The following MPPED1 variants were observed in gnomAD, a reference collection of about 807,000 sequenced individuals.
MPPED1 encodes metallophosphoesterase domain containing 1.
Under a neutral mutation model 36.2 loss-of-function variants are expected in MPPED1, and 16 were observed. The ratio of observed to expected loss-of-function variants is 0.44; its 90% confidence interval spans 0.30 to 0.67. MPPED1 has a LOEUF of 0.67. Ranked by LOEUF, MPPED1 falls within the 30% of genes least tolerant of loss-of-function variation. The probability of loss-of-function intolerance (pLI) is 0.10; values close to 1 mark genes in which losing one functional copy is unlikely to be tolerated. For synonymous variants in MPPED1, 199 were observed against 191.3 expected, an observed-to-expected ratio of 1.04 and a Z score of -0.33; for missense variants, 307 against 453.4, an observed-to-expected ratio of 0.68 and a Z score of 2.93.
intron 4 of MPPED1, among the ~76,000 whole-genome samples, chr22:43,492,679 G>T (rs1484826520): frequency 2.0e-5 from 3 of 152,194 alleles, no homozygotes; most frequent in African/African-American, 4.8e-5. Context: ...CCCCACCTGT[G>T]CAAGGGGCTC....
intron 3 of MPPED1, among the ~76,000 whole-genome samples, chr22:43,450,276 C>A (rs1167614273): frequency 6.6e-6 from 1 of 152,174 alleles, no homozygotes; most frequent in African/African-American, 2.4e-5. Context: ...ATGGGCAGGC[C>A]CCCTCCCGGT....
chr22:43,470,162 C>A (rs1337603366), intron 3 of MPPED1, among the ~76,000 whole-genome samples: 1 of 151,906 alleles, frequency 6.6e-6, no homozygotes, highest in Non-Finnish European at 1.5e-5. Context: ...ATCTATATAT[C>A]CATACATATA....
chr22:43,476,348 TG>T (rs1025732755), intron 4 of MPPED1, among the ~76,000 whole-genome samples: 3 of 151,828 alleles, frequency 2.0e-5, no homozygotes, highest in South Asian at 2.1e-4. Flanking sequence ...CTGGAGGAGG[TG>T]GGGTAACCTG....
chr22:43,457,969 A>C (rs930437137), intron 3 of MPPED1, among the ~76,000 whole-genome samples: 1 of 152,340 alleles, frequency 6.6e-6, no homozygotes, highest in East Asian at 1.9e-4. Context: ...CTGTAATTTT[A>C]CTTACTTTTC....
chr22:43,492,237 G>A (rs1240636358), intron 4 of MPPED1, among the ~76,000 whole-genome samples: 3 of 152,108 alleles, frequency 2.0e-5, no homozygotes, highest in Admixed American at 6.5e-5. Flanking sequence ...GGGCATAGAA[G>A]TTAAGTTCTT....
chr22:43,419,994 C>T (rs1929208008), intron 1 of MPPED1, among the ~76,000 whole-genome samples: 1 of 152,112 alleles, frequency 6.6e-6, no homozygotes, highest in African/African-American at 2.4e-5. Context: ...AAAGCAAGCC[C>T]TTAGAACCAG....
intron 6 of MPPED1, among the ~76,000 whole-genome samples, chr22:43,504,793 TTGATGGTGGTGATGGGGA>T: frequency 6.7e-6 from 1 of 148,584 alleles, no homozygotes; most frequent in Non-Finnish European, 1.5e-5. Flanking sequence ...TATGATGATG[TTGATGGTGGTGATGGGGA>T]TGATGGTGGT....
chr22:43,421,155 G>T (rs867103722), intron 1 of MPPED1, among the ~76,000 whole-genome samples: 3 of 152,236 alleles, frequency 2.0e-5, no homozygotes, highest in Non-Finnish European at 4.4e-5. Context: ...GGGTGTAAAC[G>T]CTTCCTAGCT....
intron 5 of MPPED1, among the ~76,000 whole-genome samples, chr22:43,500,010 A>ATGG (rs1471856305): frequency 4.3e-4 from 1 of 2,320 alleles, no homozygotes; most frequent in Admixed American, 6.4e-3. Context: ...GGCGGTGGTG[A>ATGG]TGGTGGAGGT....
intron 3 of MPPED1, among the ~76,000 whole-genome samples, chr22:43,450,879 A>G (rs1479242611): frequency 6.6e-6 from 1 of 152,064 alleles, no homozygotes; most frequent in Non-Finnish European, 1.5e-5. Flanking sequence ...AGCATGTGCC[A>G]CCACGCCTAG....
At chr22:43,451,626 C>A (rs1930570789) in intron 3 of MPPED1, among the ~76,000 whole-genome samples, 1 of 152,242 alleles carries the variant, frequency 6.6e-6, no homozygotes, top group Non-Finnish European at 1.5e-5. Flanking sequence ...ACATCCCAAC[C>A]TCTCAAAATA....
Position 43,424,888 on chromosome 22 carries a change from G to C in MPPED1, c.-78-20G>C. On this transcript the variant is annotated intron_variant, in intron 1 of 6. Coordinates refer to ENST00000443721, the MANE Select transcript of MPPED1 (RefSeq NM_001044370.2). ...TCCCAAACAGATTAACTGTCGCACG[G>C]TTCTGCTCCGTCTCCTCAGTCTGTT... 3 of 1,519,272 alleles carry C rather than the reference G, an allele frequency of 2.0e-6. No individual in the cohort carries two copies. Among genetic ancestry groups the C allele is most frequent in the Non-Finnish European group, 2.6e-6 (3 of 1,135,668 alleles). 94.1% of individuals were successfully genotyped at this position (1,519,272 alleles called of 1,614,324 possible).
At position 43,505,568 on chromosome 22, in the gene MPPED1, C is replaced by T. The variant is rs768446587; in HGVS notation, c.933C>T (p.Pro311=). 2.3e-5 allele frequency: 37 copies of T among 1,612,758 alleles called. No homozygotes were observed. Among genetic ancestry groups the T allele is most frequent in the Middle Eastern group, 1.6e-4 (1 of 6,082 alleles). ...NASVCTVNYQ[P]VNPPIVIDLP... is the part of the protein sequence containing the mutation. ...CCGTATGCACTGTGAACTACCAGCCCGTGAACCCGCCCATAGTCATCGACC... is the reference window on the plus strand; with the variant it reads ...CCGTATGCACTGTGAACTACCAGCCTGTGAACCCGCCCATAGTCATCGACC... Residue 311 remains proline, a synonymous_variant, in exon 7 of 7, where the codon CCC becomes CCT. Transcript: ENST00000443721.
chr22:43,467,741 T>C (rs926446231), intron 3 of MPPED1, among the ~76,000 whole-genome samples: 3 of 152,118 alleles, frequency 2.0e-5, no homozygotes, highest in African/African-American at 7.2e-5. Context: ...TTCTGCGAGA[T>C]GGGAATGGGC....
At chr22:43,448,522 G>A (rs1016980038) in intron 3 of MPPED1, among the ~76,000 whole-genome samples, 3 of 152,102 alleles carry the variant, frequency 2.0e-5, no homozygotes, top group East Asian at 1.9e-4. Context: ...AAGGTCATAC[G>A]GCAAAGAAAA....
intron 2 of MPPED1, 70 bp downstream of exon 2, chr22:43,425,279 G>A: frequency 6.8e-7 from 1 of 1,471,704 alleles, no homozygotes; most frequent in Non-Finnish European, 9.0e-7. Flanking sequence ...GGTCTCGGGT[G>A]CCTCCTGGTT....
intron 3 of MPPED1, among the ~76,000 whole-genome samples, chr22:43,448,897 AT>A (rs931114497): frequency 6.6e-6 from 1 of 151,962 alleles, no homozygotes; most frequent in Non-Finnish European, 1.5e-5. Flanking sequence ...CCAGCCCTAC[AT>A]TTTTTATTTG....
rs191723996 is a variant in MPPED1 at position 43,449,183 on chromosome 22, G to C, written c.406+13968G>C. 1.1e-4 allele frequency among the ~76,000 whole-genome samples: 16 copies of C among 152,232 alleles called. No individual in the cohort carries two copies. The East Asian group carries it at 2.7e-3, about 26-fold the overall frequency. On this transcript the variant is annotated intron_variant, in intron 3 of 6. Coordinates refer to ENST00000443721, the MANE Select transcript of MPPED1 (RefSeq NM_001044370.2). ...AGCCTCGTATCCAAGTCACACGGGG[G>C]CTTAACAGCAATAATGACTTCTGGA...
chr22:43,485,554 C>T (rs1931887624), intron 4 of MPPED1, among the ~76,000 whole-genome samples: 1 of 152,162 alleles, frequency 6.6e-6, no homozygotes, highest in African/African-American at 2.4e-5. Context: ...CAGAGTCACA[C>T]ACAGACACCG....
Sources: gnomAD v4.1 joint callset for allele counts (sites outside exome capture counted in the v4.1 genomes callset) on GRCh38, gnomAD v4.1.1 for gene constraint, MANE v1.5 for transcripts, NCBI Gene and HGNC (gene_info 2026-07-23, HGNC 2026-07-21) for gene names.